Variants in TMEFF1 observed in about 807,000 individuals in gnomAD.
TMEFF1 encodes tomoregulin-1.
TMEFF1 carries 20 observed loss-of-function variants against 47.5 expected under a neutral mutation model. That is an observed-to-expected ratio of 0.42 (90% CI 0.30 to 0.61). The LOEUF is 0.61. TMEFF1 is among the 20% of genes least tolerant of loss of function. The probability of loss-of-function intolerance (pLI) is 0.19; values close to 1 mark genes in which losing one functional copy is unlikely to be tolerated. For synonymous variants in TMEFF1, 162 were observed against 166.3 expected, an observed-to-expected ratio of 0.97 and a Z score of 0.20; for missense variants, 411 against 471.1, an observed-to-expected ratio of 0.87 and a Z score of 1.18.
chr9:100,530,046 G>A (rs1342347409), intron 5 of TMEFF1, among the ~76,000 whole-genome samples: 1 of 151,714 alleles, frequency 6.6e-6, no homozygotes, highest in Admixed American at 6.6e-5. Context: ...TGAAACCAAC[G>A]AGAACAAAGG....
chr9:100,475,528 T>C (rs906600968), intron 1 of TMEFF1, among the ~76,000 whole-genome samples: 1 of 152,240 alleles, frequency 6.6e-6, no homozygotes, highest in African/African-American at 2.4e-5. Context: ...TGTCAATATT[T>C]TTCCAGCTAA....
intron 1 of TMEFF1, among the ~76,000 whole-genome samples, chr9:100,496,790 A>G (rs1434578667): frequency 6.6e-6 from 1 of 152,190 alleles, no homozygotes; most frequent in African/African-American, 2.4e-5. Context: ...TAAAAACTTT[A>G]CTTATTCTTG....
chr9:100,549,373 C>G (rs1489002789), intron 6 of TMEFF1, among the ~76,000 whole-genome samples: 2 of 152,168 alleles, frequency 1.3e-5, no homozygotes, highest in African/African-American at 4.8e-5. Context: ...CAGTCACCTT[C>G]CACAAGGCCC....
At chr9:100,501,374 G>A (rs1837755452) in intron 2 of TMEFF1, among the ~76,000 whole-genome samples, 2 of 151,848 alleles carry the variant, frequency 1.3e-5, no homozygotes, top group African/African-American at 4.8e-5. Flanking sequence ...ATTTTTATTT[G>A]CATTTGATTA....
At position 100,572,563 on chromosome 9, in the gene TMEFF1, T is replaced by G; in HGVS notation, c.945T>G (p.Phe315Leu). ...GACAGCACTGTGAAAAGACAGACTTTAGTATTCTCTATGTAGTGCCAAGTA... is the reference window on the plus strand; with the variant it reads ...GACAGCACTGTGAAAAGACAGACTTGAGTATTCTCTATGTAGTGCCAAGTA... ...YTGQHCEKTDFSILYVVPSRQ... is the reference protein window; with the variant it reads ...YTGQHCEKTDLSILYVVPSRQ... Residue 315 changes from phenylalanine to leucine, a missense_variant, in exon 9 of 10, where the codon TTT becomes TTG. Coordinates refer to ENST00000374879, the MANE Select transcript of TMEFF1 (RefSeq NM_003692.5). 6.2e-7 allele frequency: 1 copy of G among 1,613,442 alleles called. No individual in the cohort carries two copies. The highest frequency in any genetic ancestry group is 8.5e-7 in the Non-Finnish European group (1 of 1,179,666).
At chr9:100,519,529 A>G (rs1424610924) in intron 5 of TMEFF1, among the ~76,000 whole-genome samples, 1 of 151,954 alleles carries the variant, frequency 6.6e-6, no homozygotes, top group Non-Finnish European at 1.5e-5. Flanking sequence ...ATATTCTTCT[A>G]ATTAATAGTA....
At chr9:100,564,681 A>G (rs1839088816) in intron 8 of TMEFF1, among the ~76,000 whole-genome samples, 1 of 152,158 alleles carries the variant, frequency 6.6e-6, no homozygotes, top group Non-Finnish European at 1.5e-5. Flanking sequence ...CTTGGCTTTT[A>G]TTTTAAAGGC....
At chr9:100,529,919 A>G (rs1438307420) in intron 5 of TMEFF1, among the ~76,000 whole-genome samples, 2 of 152,230 alleles carry the variant, frequency 1.3e-5, no homozygotes, top group African/African-American at 4.8e-5. Flanking sequence ...CAATCAAACT[A>G]GAACTCAGGA....
intron 8 of TMEFF1, among the ~76,000 whole-genome samples, chr9:100,565,190 C>CTCTA (rs1839100106): frequency 6.6e-6 from 1 of 152,148 alleles, no homozygotes; most frequent in African/African-American, 2.4e-5. Context: ...ATCATTCCCT[C>CTCTA]TCTAGCATAT....
chr9:100,496,446 G>C (rs1224698198), intron 1 of TMEFF1, among the ~76,000 whole-genome samples: 1 of 152,128 alleles, frequency 6.6e-6, no homozygotes, highest in Admixed American at 6.5e-5. Flanking sequence ...CATTATGTTG[G>C]CCAAGCTGGT....
chr9:100,532,229 A>G (rs1838398025), intron 5 of TMEFF1, among the ~76,000 whole-genome samples: 1 of 152,058 alleles, frequency 6.6e-6, no homozygotes, highest in African/African-American at 2.4e-5. Context: ...ACAAAAGCCA[A>G]AATTGACAAA....
At chr9:100,566,207 C>T (rs1163214396) in intron 8 of TMEFF1, among the ~76,000 whole-genome samples, 1 of 152,200 alleles carries the variant, frequency 6.6e-6, no homozygotes, top group Non-Finnish European at 1.5e-5. Context: ...TACCCGGGTT[C>T]AGTCCCAGTC....
chr9:100,547,693 T>C (rs899441121), intron 5 of TMEFF1, 51 bp from the exon 6 acceptor site: 5 of 1,403,874 alleles, frequency 3.6e-6, no homozygotes, highest in African/African-American at 2.9e-5. Context: ...GTTGCAGCAT[T>C]GTGAAATATT....
intron 1 of TMEFF1, among the ~76,000 whole-genome samples, chr9:100,483,532 G>A (rs1200450802): frequency 2.7e-5 from 3 of 109,938 alleles, no homozygotes; most frequent in African/African-American, 9.5e-5. Context: ...AACAAACAAG[G>A]TGTGTCATTG....
chr9:100,474,585 G>A (rs1388108653), intron 1 of TMEFF1, among the ~76,000 whole-genome samples: 3 of 152,078 alleles, frequency 2.0e-5, no homozygotes, highest in East Asian at 1.9e-4. Flanking sequence ...TCATCATCCT[G>A]TGTAGGGTTT....
chr9:100,520,678 G>T (rs1279601700), intron 5 of TMEFF1, among the ~76,000 whole-genome samples: 1 of 152,196 alleles, frequency 6.6e-6, no homozygotes, highest in African/African-American at 2.4e-5. Flanking sequence ...GTATATTACA[G>T]TTTTCAGAGC....
At chr9:100,540,046 C>T (rs1838598866) in intron 5 of TMEFF1, among the ~76,000 whole-genome samples, 1 of 152,130 alleles carries the variant, frequency 6.6e-6, no homozygotes, top group African/African-American at 2.4e-5. Flanking sequence ...TCTAGCTAGA[C>T]ACAGAGTGCT....
chr9:100,566,491 C>G (rs529569919), intron 8 of TMEFF1, among the ~76,000 whole-genome samples: 1 of 152,252 alleles, frequency 6.6e-6, no homozygotes, highest in Non-Finnish European at 1.5e-5. Context: ...AGACAAAACA[C>G]CCTCTGATGT....
intron 7 of TMEFF1, among the ~76,000 whole-genome samples, chr9:100,560,873 T>TG (rs1296134050): frequency 6.6e-6 from 1 of 152,222 alleles, no homozygotes; most frequent in Non-Finnish European, 1.5e-5. Context: ...TATTTTCACT[T>TG]GGGAAAAAAA....
Sources: gnomAD v4.1 joint callset for allele counts (sites outside exome capture counted in the v4.1 genomes callset) on GRCh38, gnomAD v4.1.1 for gene constraint, MANE v1.5 for transcripts, NCBI Gene and HGNC (gene_info 2026-07-23, HGNC 2026-07-21) for gene names.